The following DOCK3 variants were observed in gnomAD, a reference collection of about 807,000 sequenced individuals.
DOCK3 encodes the protein dedicator of cytokinesis 3, also known as dedicator of cytokinesis protein 3.
A neutral mutation model predicts 265.6 loss-of-function variants in DOCK3; 60 were observed. The ratio of observed to expected loss-of-function variants is 0.23; its 90% CI spans 0.18 to 0.28. The LOEUF (loss-of-function observed/expected upper bound fraction) is 0.28. Among genes scored for constraint, DOCK3 ranks in the 10% least tolerant of loss-of-function variants. DOCK3 has a pLI of 1.00. For synonymous variants in DOCK3, 881 were observed against 938.0 expected (o/e 0.94, Z 1.11); for missense variants, 1,981 against 2,594.3 (o/e 0.76, Z 5.14).
intron 21 of DOCK3, among the ~76,000 whole-genome samples, chr3:51,245,209 TTCC>T (rs925870814): frequency 2.0e-5 from 3 of 151,962 alleles, no homozygotes; most frequent in African/African-American, 7.2e-5. Flanking sequence ...CATCCTCCCC[TTCC>T]TGTAATCCCG....
intron 9 of DOCK3, among the ~76,000 whole-genome samples, chr3:51,092,995 G>A (rs2082697850): frequency 6.6e-6 from 1 of 152,188 alleles, no homozygotes; most frequent in Non-Finnish European, 1.5e-5. Flanking sequence ...TTGTAGATGT[G>A]TGGTGTTATT....
intron 1 of DOCK3, among the ~76,000 whole-genome samples, chr3:50,751,485 T>C (rs1410384552): frequency 2.0e-5 from 3 of 152,164 alleles, no homozygotes; most frequent in Non-Finnish European, 2.9e-5. Context: ...TGTGTTCACA[T>C]TGAAGAATGG....
intron 5 of DOCK3, among the ~76,000 whole-genome samples, chr3:51,011,240 G>A (rs1021704524): frequency 2.0e-5 from 3 of 152,074 alleles, no homozygotes; most frequent in Admixed American, 6.5e-5. Flanking sequence ...CGTTCTCCCC[G>A]TCACTTTCAG....
intron 4 of DOCK3, among the ~76,000 whole-genome samples, chr3:50,913,185 G>C (rs1228839476): frequency 6.6e-6 from 1 of 151,980 alleles, no homozygotes; most frequent in East Asian, 1.9e-4. Flanking sequence ...ATTTTGGAGT[G>C]GGTCCTTCCC....
chr3:51,112,951 A>G (rs1342851022), intron 9 of DOCK3, among the ~76,000 whole-genome samples: 1 of 152,190 alleles, frequency 6.6e-6, no homozygotes, highest in Non-Finnish European at 1.5e-5. Context: ...GGGTATTATA[A>G]GTAATTTGTT....
At chr3:50,959,286 A>G (rs1208811684) in intron 5 of DOCK3, among the ~76,000 whole-genome samples, 3 of 152,052 alleles carry the variant, frequency 2.0e-5, no homozygotes, top group African/African-American at 7.2e-5. Flanking sequence ...AGAGATTACT[A>G]CTGTCAAGCA....
At chr3:50,917,529 CAGCTCTAAT>C (rs1483484935) in intron 4 of DOCK3, among the ~76,000 whole-genome samples, 2 of 151,864 alleles carry the variant, frequency 1.3e-5, no homozygotes, top group Non-Finnish European at 2.9e-5. Context: ...TTTAAATTTT[CAGCTCTAAT>C]AGATGATTAT....
At chr3:51,062,206 C>G (rs556520734) in intron 5 of DOCK3, among the ~76,000 whole-genome samples, 2 of 152,264 alleles carry the variant, frequency 1.3e-5, no homozygotes, top group East Asian at 3.9e-4. Flanking sequence ...CTCTTCTGCT[C>G]CAAATCTCCA....
In DOCK3 at chr3:51,380,684, G is replaced by A. The variant is rs1026496777; in HGVS notation, c.5584-366G>A. Among the ~76,000 whole-genome samples the A allele has an allele frequency of 2.0e-5, 3 of 152,212 alleles. No individual in the cohort carries two copies. In the South Asian group the frequency reaches 6.2e-4, roughly 32 times the overall value. ...GAGTCTATCACAGATTTTAGCAGCAGAATACATTCCTCTGGTCCACGGCCC... is the reference window on the plus strand; with the variant it reads ...GAGTCTATCACAGATTTTAGCAGCAAAATACATTCCTCTGGTCCACGGCCC... On this transcript the variant is annotated intron_variant, in intron 52 of 52. Coordinates refer to ENST00000266037, the MANE Select transcript of DOCK3 (RefSeq NM_004947.5).
At chr3:51,247,385 A>G (rs913907997) in intron 22 of DOCK3, among the ~76,000 whole-genome samples, 2 of 152,214 alleles carry the variant, frequency 1.3e-5, no homozygotes, top group African/African-American at 2.4e-5. Context: ...GGTAGCTCCA[A>G]TTGACAGGGG....
At chr3:51,339,164 C>T (rs771841272) in intron 37 of DOCK3, 136 bp downstream of exon 37, 34 of 699,544 alleles carry the variant, frequency 4.9e-5, no homozygotes, top group Non-Finnish European at 7.2e-5. Context: ...ATCCCCTCAC[C>T]TCACTCATTT....
At chr3:50,851,567 G>A (rs1311623458) in intron 3 of DOCK3, among the ~76,000 whole-genome samples, 2 of 152,178 alleles carry the variant, frequency 1.3e-5, no homozygotes, top group Admixed American at 1.3e-4. Flanking sequence ...CTGCCTGAGA[G>A]TGGAATGGAG....
intron 5 of DOCK3, among the ~76,000 whole-genome samples, chr3:50,970,104 A>C (rs2077155014): frequency 6.6e-6 from 1 of 152,044 alleles, no homozygotes; most frequent in Non-Finnish European, 1.5e-5. Flanking sequence ...AAAAGAAAAA[A>C]ACTATGAAAA....
chr3:50,884,568 T>A (rs1188172165), intron 3 of DOCK3, among the ~76,000 whole-genome samples: 2 of 152,184 alleles, frequency 1.3e-5, no homozygotes, highest in African/African-American at 2.4e-5. Context: ...TGTTTCTCTC[T>A]TGTCAATTTT....
chr3:50,698,632 C>G (rs911328734), intron 1 of DOCK3, among the ~76,000 whole-genome samples: 2 of 147,454 alleles, frequency 1.4e-5, no homozygotes, highest in Non-Finnish European at 3.0e-5. Flanking sequence ...AGAGGCTGCA[C>G]TCTTTTTCAT....
chr3:50,900,591 T>G (rs1239172577), intron 4 of DOCK3: 1 of 377,560 alleles, frequency 2.6e-6, no homozygotes, highest in Admixed American at 3.3e-5. Context: ...TTTATGCTGG[T>G]TTTTCCTCAT....
At chr3:50,944,175 T>C (rs1391625678) in intron 5 of DOCK3, among the ~76,000 whole-genome samples, 1 of 151,744 alleles carries the variant, frequency 6.6e-6, no homozygotes, top group Non-Finnish European at 1.5e-5. Flanking sequence ...TGGAAAAGAG[T>C]GTATTATATG....
intron 23 of DOCK3, among the ~76,000 whole-genome samples, chr3:51,267,706 G>C (rs1457787315): frequency 6.6e-6 from 1 of 152,076 alleles, no homozygotes; most frequent in Non-Finnish European, 1.5e-5. Flanking sequence ...GTTTATTGCA[G>C]CACTGTTGAC....
At chr3:50,986,688 G>A (rs1428088362) in intron 5 of DOCK3, among the ~76,000 whole-genome samples, 2 of 152,110 alleles carry the variant, frequency 1.3e-5, no homozygotes, top group Non-Finnish European at 2.9e-5. Flanking sequence ...CACCTGGCAT[G>A]TTTTATATTT....
Sources: gnomAD v4.1 joint callset for allele counts (sites outside exome capture counted in the v4.1 genomes callset) on GRCh38, gnomAD v4.1.1 for gene constraint, MANE v1.5 for transcripts, NCBI Gene and HGNC (gene_info 2026-07-23, HGNC 2026-07-21) for gene names.